Variants in DAAM2 observed in about 807,000 individuals in gnomAD.
The protein encoded by DAAM2 is disheveled-associated activator of morphogenesis 2.
In DAAM2, 39 loss-of-function variants were observed where a neutral mutation model predicts 120.7. The observed-to-expected ratio is 0.32, with a 90% CI of 0.25 to 0.42. The LOEUF (loss-of-function observed/expected upper bound fraction) is 0.42. Among genes scored for constraint, DAAM2 ranks in the 10% least tolerant of loss-of-function variants. DAAM2 has a pLI of 1.00. For synonymous variants in DAAM2, 488 were observed against 524.9 expected, an observed-to-expected ratio of 0.93 and a Z score of 0.96; for missense variants, 1,283 against 1,401.7, an observed-to-expected ratio of 0.92 and a Z score of 1.35.
chr6:39,797,631 G>C (rs572247781), intron 1 of DAAM2, among the ~76,000 whole-genome samples: 1 of 152,316 alleles, frequency 6.6e-6, no homozygotes, highest in South Asian at 2.1e-4. Context: ...GGCGTCCACA[G>C]TTCTGTAAGC....
At chr6:39,844,233 CTTTCTT>C (rs796695789) in intron 1 of DAAM2, among the ~76,000 whole-genome samples, 84 of 152,204 alleles carry the variant, frequency 5.5e-4, no homozygotes, top group African/African-American at 1.5e-3. Flanking sequence ...TTGTCAGCAA[CTTTCTT>C]TTTCTATTTC....
At chr6:39,857,914 G>A (rs1582684978) in intron 2 of DAAM2, among the ~76,000 whole-genome samples, 1 of 152,010 alleles carries the variant, frequency 6.6e-6, no homozygotes, top group Non-Finnish European at 1.5e-5. Context: ...TGATTTTGAG[G>A]AGCAGTGACA....
intron 16 of DAAM2, 110 bp downstream of exon 16, chr6:39,887,702 G>T (rs971342204): frequency 2.8e-6 from 2 of 718,264 alleles, no homozygotes; most frequent in Non-Finnish European, 4.7e-6. Flanking sequence ...CCTGGGAGGG[G>T]CAGGCATTGA....
intron 1 of DAAM2, chr6:39,822,668 C>T (rs577298754): frequency 3.3e-5 from 5 of 152,348 alleles, no homozygotes; most frequent in African/African-American, 1.2e-4. Context: ...GAAACTAAGG[C>T]TCAGAGATTA....
intron 3 of DAAM2, chr6:39,862,192 C>G (rs1016506312): frequency 1.3e-5 from 2 of 152,204 alleles, no homozygotes; most frequent in Admixed American, 6.5e-5. Context: ...TTGCTAGAAC[C>G]TGAGACTGCT....
intron 1 of DAAM2, among the ~76,000 whole-genome samples, chr6:39,848,398 G>A (rs1763678900): frequency 6.6e-6 from 1 of 152,084 alleles, no homozygotes; most frequent in African/African-American, 2.4e-5. Context: ...CTTGTTTAGT[G>A]CCCTAGTGAG....
At position 39,901,458 on chromosome 6, in the gene DAAM2, C is replaced by T. The variant is rs368619961; in HGVS notation, c.2968C>T (p.Arg990Cys). Reference protein sequence around the residue: ...RRKEEEERRARMEAMLKEQRE... With the variant: ...RRKEEEERRACMEAMLKEQRE... Reference sequence around the variant, plus strand: ...GAAGGAGGAGGAGGAGCGGCGGGCGCGCATGGAAGCCATGGTGAGGGGCAG... The same window carrying T: ...GAAGGAGGAGGAGGAGCGGCGGGCGTGCATGGAAGCCATGGTGAGGGGCAG... Residue 990 changes from arginine (R) to cysteine (C), a missense_variant, in exon 24 of 25, where the codon CGC (arginine) becomes TGC (cysteine). Physicochemically the swap from Arg to Cys is radical, Grantham distance 180 (BLOSUM62 -3). Around this residue, in one of 3 missense-constraint regions of DAAM2, gnomAD observed 748 missense variants for 768.6 expected, o/e 0.97. Transcript: ENST00000274867. This position sits in a 1 kb window ranked among gnomAD's most constrained non-coding sequence, Gnocchi z 4.5. The T allele has an allele frequency of 1.4e-4, 221 of 1,607,322 alleles. No homozygotes were observed. Among genetic ancestry groups the T allele is most frequent in the Middle Eastern group, 1.7e-4 (1 of 5,766 alleles).
In DAAM2 at chr6:39,875,319, T is replaced by A. The variant is rs746395800; in HGVS notation, c.1163-11T>A. ...GGACTCAGGAAAGATATGATACCTG[T>A]CATCCCTCAGACAAACGGAACGGTG... On this transcript the variant is annotated splice_polypyrimidine_tract_variant and intron_variant, in intron 10 of 24. Transcript: ENST00000274867. 2 of 1,612,604 alleles carry A rather than the reference T, an allele frequency of 1.2e-6. No homozygotes were observed. Among genetic ancestry groups the A allele is most frequent in the Admixed American group, 3.3e-5 (2 of 59,916 alleles).
intron 9 of DAAM2, among the ~76,000 whole-genome samples, chr6:39,871,884 C>T (rs1170308074): frequency 6.6e-6 from 1 of 152,220 alleles, no homozygotes; most frequent in East Asian, 1.9e-4. Flanking sequence ...TAGCATGGCT[C>T]AGTCCAAGGC....
chr6:39,900,150 C>G lies in DAAM2; in HGVS notation c.2753C>G (p.Thr918Arg). The change falls in exon 23 of 25, where the codon ACG becomes AGG. Residue 918 changes from threonine (T) to arginine (R), a missense_variant. Around this residue, in one of 3 missense-constraint regions of DAAM2, gnomAD observed 748 missense variants for 768.6 expected, o/e 0.97. Coordinates refer to ENST00000274867, the MANE Select transcript of DAAM2 (RefSeq NM_001201427.2). ...GTCCCTGTCATGAGCGACTTCATCACGGTGTCCAGCTTCAGCTTCTCCGAG... is the reference window on the plus strand; with the variant it reads ...GTCCCTGTCATGAGCGACTTCATCAGGGTGTCCAGCTTCAGCTTCTCCGAG... ...KFVPVMSDFITVSSFSFSELE... is the reference protein window; with the variant it reads ...KFVPVMSDFIRVSSFSFSELE... 1.2e-6 allele frequency: 2 copies of G among 1,605,050 alleles called. No homozygotes were observed. The highest frequency in any genetic ancestry group is 1.7e-6 in the Non-Finnish European group (2 of 1,175,948).
rs565268557 is a variant in DAAM2 at position 39,874,379 on chromosome 6, T to C, written c.1163-951T>C. ...TCAGTAGACTTGTGGACAGGATAGA[T>C]GCAGTGACCTGAATTAAGAAGCTAT... On this transcript the variant is annotated intron_variant, in intron 10 of 24. Coordinates refer to ENST00000274867, the MANE Select transcript of DAAM2 (RefSeq NM_001201427.2). Among the ~76,000 whole-genome samples, 22 of 152,300 alleles carry C rather than the reference T, an allele frequency of 1.4e-4. No individual in the cohort carries two copies. The South Asian group carries it at 3.7e-3, about 26-fold the overall frequency.
chr6:39,827,743 C>G (rs889991889), intron 1 of DAAM2, among the ~76,000 whole-genome samples: 1 of 152,172 alleles, frequency 6.6e-6, no homozygotes, highest in Admixed American at 6.5e-5. Context: ...AATGAACTCT[C>G]TTAATGGACC....
chr6:39,868,275 G>T, intron 6 of DAAM2: 1 of 235,278 alleles, frequency 4.3e-6, no homozygotes, highest in Non-Finnish European at 8.4e-6. Context: ...ACCATCCCTG[G>T]GAGCTTCAGC....
intron 21 of DAAM2, 100 bp downstream of exon 21, chr6:39,897,382 G>A (rs1351939513): frequency 1.4e-6 from 1 of 736,584 alleles, no homozygotes; most frequent in East Asian, 2.5e-5. Flanking sequence ...GATGGCTGGT[G>A]TGAGACCTCG....
chr6:39,886,590 C>T (rs879160893), intron 15 of DAAM2: 1 of 396,964 alleles, frequency 2.5e-6, no homozygotes. Context: ...TGGGAGAGGG[C>T]CCCCAAAGAG....
At chr6:39,888,344 TGAG>T (rs1192742109) in intron 16 of DAAM2, 5 of 172,652 alleles carry the variant, frequency 2.9e-5, no homozygotes, top group Non-Finnish European at 3.7e-5. Context: ...TTTTTAAGCA[TGAG>T]GAGGAGGAGA....
chr6:39,843,921 C>T (rs1763461429), intron 1 of DAAM2, among the ~76,000 whole-genome samples: 1 of 152,078 alleles, frequency 6.6e-6, no homozygotes. Context: ...CATTTACGAG[C>T]TGTGTTCTGC....
chr6:39,801,794 AC>A (rs2114007667), intron 1 of DAAM2, among the ~76,000 whole-genome samples: 1 of 152,296 alleles, frequency 6.6e-6, no homozygotes, highest in South Asian at 2.1e-4. Flanking sequence ...CTCATGTCTG[AC>A]CACATTCCCG....
At chr6:39,837,663 C>CAAAAAAAAAA (rs758751293) in intron 1 of DAAM2, among the ~76,000 whole-genome samples, 24 of 41,192 alleles carry the variant, frequency 5.8e-4, no homozygotes, top group African/African-American at 2.6e-3. Flanking sequence ...AACTCCATCT[C>CAAAAAAAAAA]AAAAAAAAAA....
Sources: allele counts gnomAD v4.1 joint callset (sites outside exome capture counted in the v4.1 genomes callset), GRCh38; gene constraint gnomAD v4.1.1; regional missense constraint gnomAD v4.1.1; non-coding constraint Gnocchi (gnomAD v3.1); transcripts MANE v1.5; gene names NCBI Gene and HGNC (gene_info 2026-07-23, HGNC 2026-07-21).